Variants in RAB21 observed in about 807,000 individuals in gnomAD.
The protein encoded by RAB21 is ras-related protein Rab-21.
A neutral mutation model predicts 33.1 loss-of-function variants in RAB21; 13 were observed. The ratio of observed to expected loss-of-function variants is 0.39; its 90% CI spans 0.26 to 0.62. The LOEUF (loss-of-function observed/expected upper bound fraction) is 0.62, where lower values mean the gene tolerates loss of function less well. RAB21 is among the 20% of genes least tolerant of loss of function. The pLI, the probability that RAB21 is intolerant of heterozygous loss-of-function variation, is 0.48. For synonymous variants in RAB21, 91 were observed against 103.7 expected (o/e 0.88, Z 0.74); for missense variants, 234 against 279.1 (o/e 0.84, Z 1.15).
Position 71,789,021 on chromosome 12 carries a change from A to G in RAB21, c.*3348A>G, listed in dbSNP as rs1236369247. ...ATCTTTTTTTTTTTTAATAGTAGCC[A>G]TATGTTATTAGTGGAGTACTTTATA... is the stretch of plus-strand genomic sequence containing the variant. On this transcript the variant is annotated 3_prime_UTR_variant, in exon 7 of 7. Coordinates refer to ENST00000261263, the MANE Select transcript of RAB21 (RefSeq NM_014999.4). 1.3e-5 allele frequency: 2 copies of G among 151,664 alleles called. No homozygotes were observed. Among genetic ancestry groups the G allele is most frequent in the Non-Finnish European group, 2.9e-5 (2 of 67,892 alleles). 9.4% of individuals were successfully genotyped at this position (151,664 alleles called of 1,614,324 possible).
chr12:71,767,139 C>T (rs1159599607), intron 1 of RAB21, among the ~76,000 whole-genome samples: 1 of 152,116 alleles, frequency 6.6e-6, no homozygotes, highest in Non-Finnish European at 1.5e-5. Context: ...AACTACTTAC[C>T]TATTAATGAA....
At position 71,781,401 on chromosome 12, in the gene RAB21, G is replaced by A. The variant is rs35708194; in HGVS notation, c.392-630G>A. Reference sequence around the variant, plus strand: ...GGAGAATGGCGTGAACCCGGGAGGCGGAGCTTGCAGTGAGCCGAGATGGCG... The same window carrying A: ...GGAGAATGGCGTGAACCCGGGAGGCAGAGCTTGCAGTGAGCCGAGATGGCG... On this transcript the variant is annotated intron_variant, in intron 4 of 6. Transcript: ENST00000261263. Among the ~76,000 whole-genome samples, 1,443 of 151,800 alleles carry A rather than the reference G, an allele frequency of 9.5e-3. 6 individuals are homozygous for A. The highest frequency in any genetic ancestry group is 0.016 in the Non-Finnish European group (1,062 of 67,920).
chr12:71,776,879 TCTTC>T (rs1203217548), intron 4 of RAB21, among the ~76,000 whole-genome samples: 1 of 152,210 alleles, frequency 6.6e-6, no homozygotes, highest in Non-Finnish European at 1.5e-5. Context: ...ACCCCATCTT[TCTTC>T]CTTCTACAAG....
In RAB21 at chr12:71,794,189, T is replaced by A. The variant is rs941673916; in HGVS notation, c.*8516T>A. 1.3e-5 allele frequency: 2 copies of A among 150,400 alleles called. No homozygotes were observed. Among genetic ancestry groups the A allele is most frequent in the African/African-American group, 4.9e-5 (2 of 40,836 alleles). The allele number at this position is 150,400 out of a possible 1,614,324, so 9.3% of individuals were successfully genotyped here. A position where few individuals can be genotyped will look rare whatever the true frequency, so the allele number is the denominator to read the frequency against. On this transcript the variant is annotated 3_prime_UTR_variant, in exon 7 of 7. Transcript: ENST00000261263. ...ATGAGCTGAGGTCGCACCACTGCAC[T>A]CCAGCCTGGACGACAGAGTGAGGCC...
intron 5 of RAB21, 65 bp from the exon 6 acceptor site, chr12:71,782,505 A>C (rs959292302): frequency 2.4e-5 from 28 of 1,153,996 alleles, no homozygotes; most frequent in Non-Finnish European, 3.5e-5. Flanking sequence ...TTACTATAAA[A>C]AAGCAGTTAA....
Position 71,785,787 on chromosome 12 carries a change from C to A in RAB21, c.*114C>A. ...TTTACCAATGGAATTATAGAATTAA[C>A]AGTATTTTAAATTACGTTTATAACA... On this transcript the variant is annotated 3_prime_UTR_variant, in exon 7 of 7. Coordinates refer to ENST00000261263, the MANE Select transcript of RAB21 (RefSeq NM_014999.4). 1.5e-6 allele frequency: 2 copies of A among 1,290,616 alleles called. No individual in the cohort carries two copies. Among genetic ancestry groups the A allele is most frequent in the Admixed American group, 2.1e-5 (1 of 46,780 alleles). The allele number at this position is 1,290,616 out of a possible 1,614,324, so 79.9% of individuals were successfully genotyped here.
rs1363325402 is a variant in RAB21, at chr12:71,798,759, A to G, written c.*13086A>G. On this transcript the variant is annotated 3_prime_UTR_variant, in exon 7 of 7. Coordinates refer to ENST00000261263, the MANE Select transcript of RAB21 (RefSeq NM_014999.4). Reference sequence around the variant, plus strand: ...GATATTATTGGTAAGAATGGAGGGAACAAGTATTTTTGCTGATAGAGGGGT... The same window carrying G: ...GATATTATTGGTAAGAATGGAGGGAGCAAGTATTTTTGCTGATAGAGGGGT... The G allele has an allele frequency of 6.6e-6, 1 of 152,236 alleles. No homozygotes were observed. Among genetic ancestry groups the G allele is most frequent in the Non-Finnish European group, 1.5e-5 (1 of 68,044 alleles). The allele number at this position is 152,236 out of a possible 1,614,324, so 9.4% of individuals were successfully genotyped here.
At chr12:71,758,440 G>T (rs1367961041) in intron 1 of RAB21, among the ~76,000 whole-genome samples, 1 of 152,010 alleles carries the variant, frequency 6.6e-6, no homozygotes, top group African/African-American at 2.4e-5. Context: ...CTTCTCTTGG[G>T]TAAACAACTC....
chr12:71,775,138 C>T (rs563579813), intron 4 of RAB21, among the ~76,000 whole-genome samples: 1 of 152,068 alleles, frequency 6.6e-6, no homozygotes, highest in Non-Finnish European at 1.5e-5. Context: ...CTCTTTGGTT[C>T]CCTTTTTCTT....
Position 71,787,445 on chromosome 12 carries a change from C to A in RAB21, c.*1772C>A, listed in dbSNP as rs2137662119. 6.6e-6 allele frequency: 1 copy of A among 152,052 alleles called. No individual in the cohort carries two copies. Among genetic ancestry groups the A allele is most frequent in the Admixed American group, 6.5e-5 (1 of 15,280 alleles). 9.4% of individuals were successfully genotyped at this position (152,052 alleles called of 1,614,324 possible). A position where few individuals can be genotyped will look rare whatever the true frequency, so the allele number is the denominator to read the frequency against. On this transcript the variant is annotated 3_prime_UTR_variant, in exon 7 of 7. Coordinates refer to ENST00000261263, the MANE Select transcript of RAB21 (RefSeq NM_014999.4). ...ATGTCTAAGATAAAATGGAATGGCC[C>A]CTGGATTTACTTCTTATAAGAAGCA... is the stretch of plus-strand genomic sequence containing the variant.
chr12:71,763,101 GCACACA>G lies in RAB21; in HGVS notation c.160-6676_160-6671del, dbSNP rs66460518. Among the ~76,000 whole-genome samples, 959 of 145,528 alleles carry G rather than the reference GCACACA, an allele frequency of 6.6e-3. 14 individuals carry two copies. The highest frequency in any genetic ancestry group is 0.02 in the African/African-American group (775 of 39,140). ...ACTAGCAAGAATATTTATTTTGCAC[GCACACA>G]CACACACACACACACACACACAATC... On this transcript the variant is annotated intron_variant, in intron 1 of 6. Coordinates refer to ENST00000261263, the MANE Select transcript of RAB21 (RefSeq NM_014999.4).
At chr12:71,766,815 A>T (rs1592644713) in intron 1 of RAB21, among the ~76,000 whole-genome samples, 1 of 152,146 alleles carries the variant, frequency 6.6e-6, no homozygotes, top group South Asian at 2.1e-4. Flanking sequence ...GGACAGAAGA[A>T]TTGAAGAGGA....
At position 71,792,971 on chromosome 12, in the gene RAB21, G is replaced by T. The variant is rs111757970; in HGVS notation, c.*7298G>T. On this transcript the variant is annotated 3_prime_UTR_variant, in exon 7 of 7. Coordinates refer to ENST00000261263, the MANE Select transcript of RAB21 (RefSeq NM_014999.4). ...AGTGAATTTGAGGTAAAGCTGGAAAGAATGTTTTTGAATTTTGCAAATAAT... is the reference window on the plus strand; with the variant it reads ...AGTGAATTTGAGGTAAAGCTGGAAATAATGTTTTTGAATTTTGCAAATAAT... 15 of 152,224 alleles carry T rather than the reference G, an allele frequency of 9.9e-5. No homozygotes were observed. Among genetic ancestry groups the T allele is most frequent in the African/African-American group, 3.4e-4 (14 of 41,464 alleles). 9.4% of individuals were successfully genotyped at this position (152,224 alleles called of 1,614,324 possible).
intron 5 of RAB21, 25 bp downstream of exon 5, chr12:71,782,110 C>G: frequency 1.3e-6 from 2 of 1,575,724 alleles, no homozygotes; most frequent in Non-Finnish European, 1.7e-6. Context: ...CCTCCCATTC[C>G]CCATCACTCC....
chr12:71,756,526 C>T (rs1360762931), intron 1 of RAB21, among the ~76,000 whole-genome samples: 2 of 152,326 alleles, frequency 1.3e-5, no homozygotes, highest in Middle Eastern at 3.4e-3. Context: ...ATTTACAAGA[C>T]GCTCTGGCTC....
intron 6 of RAB21, 56 bp from the exon 7 acceptor site, chr12:71,785,475 A>G (rs1883270323): frequency 6.3e-7 from 1 of 1,581,834 alleles, no homozygotes; most frequent in South Asian, 1.1e-5. Context: ...GAAATTTTAG[A>G]AAGAGAAAAC....
chr12:71,768,808 A>C (rs1218671582), intron 1 of RAB21, among the ~76,000 whole-genome samples: 5 of 152,192 alleles, frequency 3.3e-5, no homozygotes, highest in African/African-American at 1.2e-4. Flanking sequence ...AAAAGTTCAA[A>C]TGAGTTTGGG....
Position 71,793,847 on chromosome 12 carries a change from A to G in RAB21, c.*8174A>G, listed in dbSNP as rs1361318441. The G allele has an allele frequency of 1.3e-5, 2 of 152,194 alleles. No homozygotes were observed. Among genetic ancestry groups the G allele is most frequent in the Non-Finnish European group, 2.9e-5 (2 of 68,036 alleles). 9.4% of individuals were successfully genotyped at this position (152,194 alleles called of 1,614,324 possible). A position where few individuals can be genotyped will look rare whatever the true frequency, so the allele number is the denominator to read the frequency against. On this transcript the variant is annotated 3_prime_UTR_variant, in exon 7 of 7. Transcript: ENST00000261263. ...GTTCTAGGTTCTAGGCTAATAATTTACTACTTTGGTATGTTGCCTTGAGGC... is the reference window on the plus strand; with the variant it reads ...GTTCTAGGTTCTAGGCTAATAATTTGCTACTTTGGTATGTTGCCTTGAGGC...
At position 71,794,435 on chromosome 12, in the gene RAB21, T is replaced by A. The variant is rs1483375139; in HGVS notation, c.*8762T>A. The A allele has an allele frequency of 5.3e-3, 479 of 90,882 alleles. No homozygotes were observed. The highest frequency in any genetic ancestry group is 0.014 in the African/African-American group (254 of 18,386). 5.6% of individuals were successfully genotyped at this position (90,882 alleles called of 1,614,324 possible). On this transcript the variant is annotated 3_prime_UTR_variant, in exon 7 of 7. Transcript: ENST00000261263. ...TATATATATATATATATATTTTTTT[T>A]TTTTTTTTTTTTTTTTTTTTTGAGA...
Sources: allele counts gnomAD v4.1 joint callset (sites outside exome capture counted in the v4.1 genomes callset), GRCh38; gene constraint gnomAD v4.1.1; transcripts MANE v1.5; gene names NCBI Gene and HGNC (gene_info 2026-07-23, HGNC 2026-07-21).